MOGAT1: variants seen among roughly 807,000 people sequenced by gnomAD.
MOGAT1 encodes 2-acylglycerol O-acyltransferase 1.
In MOGAT1, 32 loss-of-function variants were observed where a neutral mutation model predicts 31.4. That is an observed-to-expected ratio of 1.02 (90% CI 0.77 to 1.37). The LOEUF is 1.37. Ranked by LOEUF, MOGAT1 falls within the 40% of genes most tolerant of loss-of-function variation. The probability of loss-of-function intolerance (pLI) is 0.00; values close to 1 mark genes in which losing one functional copy is unlikely to be tolerated. For missense variants in MOGAT1, 426 were observed against 402.0 expected, an observed-to-expected ratio of 1.06 and a Z score of -0.51; for synonymous variants, 145 against 144.5, an observed-to-expected ratio of 1.00 and a Z score of -0.03.
chr2:222,694,953 G>T, intron 4 of MOGAT1, 136 bp from the exon 5 acceptor site: 1 of 560,440 alleles, frequency 1.8e-6, no homozygotes, highest in Non-Finnish European at 3.0e-6. Flanking sequence ...TTCAATGAAC[G>T]TGAAGTTAGC....
At chr2:222,691,651 C>T (rs887854653) in intron 3 of MOGAT1, among the ~76,000 whole-genome samples, 3 of 152,186 alleles carry the variant, frequency 2.0e-5, no homozygotes, top group Admixed American at 1.3e-4. Context: ...CTATACTTCC[C>T]AGAACCAGCT....
In MOGAT1 at chr2:222,709,734, A is replaced by G. The variant is rs1161095283; in HGVS notation, c.854-2A>G. The G allele has an allele frequency of 6.2e-7, 1 of 1,611,786 alleles. No homozygotes were observed. The highest frequency in any genetic ancestry group is 1.7e-5 in the Admixed American group (1 of 59,430). On this transcript the variant is annotated splice_acceptor_variant, in intron 5 of 5. Coordinates refer to ENST00000446656, the MANE Select transcript of MOGAT1 (RefSeq NM_058165.3). LOFTEE classifies it high-confidence loss of function. ...ACGTATGATGTATTCCCTGATTTGC[A>G]GTTGGCCGCCCGATCCCTGTTCGTC...
intron 3 of MOGAT1, among the ~76,000 whole-genome samples, chr2:222,689,836 C>T (rs1048227273): frequency 1.3e-5 from 2 of 152,232 alleles, no homozygotes; most frequent in African/African-American, 4.8e-5. Context: ...GGAGAGGCAC[C>T]ATGCATGCTG....
chr2:222,677,737 G>T, intron 1 of MOGAT1: 1 of 388,644 alleles, frequency 2.6e-6, no homozygotes, highest in African/African-American at 2.2e-5. Context: ...TGGTGAAGAA[G>T]GAAGTTACTG....
chr2:222,671,772 C>T lies in MOGAT1; in HGVS notation c.-14C>T, dbSNP rs1692419757. On this transcript the variant is annotated 5_prime_UTR_variant, in exon 1 of 6. Coordinates refer to ENST00000446656, the MANE Select transcript of MOGAT1 (RefSeq NM_058165.3). Reference sequence around the variant, plus strand: ...AGGCTGCAGTGGCTGGCGCCGTCCTCGCCCGGCCAGGCCATGAAGGTAGAG... The same window carrying T: ...AGGCTGCAGTGGCTGGCGCCGTCCTTGCCCGGCCAGGCCATGAAGGTAGAG... The T allele has an allele frequency of 2.6e-6, 4 of 1,548,742 alleles. No homozygotes were observed. Among genetic ancestry groups the T allele is most frequent in the Admixed American group, 2.0e-5 (1 of 50,982 alleles).
intron 1 of MOGAT1, among the ~76,000 whole-genome samples, chr2:222,681,195 T>G (rs551945635): frequency 1.3e-5 from 2 of 152,338 alleles, no homozygotes; most frequent in African/African-American, 4.8e-5. Flanking sequence ...TCAGTTCTGA[T>G]GCTGTCTACC....
Position 222,695,145 on chromosome 2 carries a change from A to G in MOGAT1, c.710A>G (p.Asp237Gly). The G allele has an allele frequency of 6.2e-7, 1 of 1,613,162 alleles. No individual in the cohort carries two copies. The highest frequency in any genetic ancestry group is 1.7e-5 in the Admixed American group (1 of 59,814). ...GAAAATGAACTGTTTAAACAAACTG[A>G]CAACCCTGAAGGATCATGGATTAGA... ...FGENELFKQT[D>G]NPEGSWIRTV... The change falls in exon 5 of 6, where the codon GAC becomes GGC. Residue 237 changes from aspartate to glycine, a missense_variant. Physicochemically the swap from Asp to Gly is moderately conservative, Grantham distance 94. Coordinates refer to ENST00000446656, the MANE Select transcript of MOGAT1 (RefSeq NM_058165.3).
chr2:222,680,264 G>C (rs952498), intron 1 of MOGAT1, among the ~76,000 whole-genome samples: 4 of 151,958 alleles, frequency 2.6e-5, no homozygotes, highest in African/African-American at 9.7e-5. Flanking sequence ...TGGATTTCAG[G>C]TTGAACTATA....
intron 5 of MOGAT1, among the ~76,000 whole-genome samples, chr2:222,697,855 G>A (rs919322869): frequency 7.2e-5 from 11 of 151,922 alleles, no homozygotes; most frequent in Admixed American, 3.3e-4. Flanking sequence ...GATTACAGGC[G>A]TGAGCCACCG....
rs949878896 is a variant in MOGAT1, at chr2:222,680,492, T to G, written c.95-7852T>G. Among the ~76,000 whole-genome samples the G allele has an allele frequency of 3.3e-5, 5 of 152,160 alleles. No homozygotes were observed. The South Asian group carries it at 6.2e-4, about 19-fold the overall frequency. ...ATATGAAGAAAACTAGGCTGCAAAA[T>G]TCTGCAAAGGGGTCTGATGAGATTT... is the stretch of plus-strand genomic sequence containing the variant. On this transcript the variant is annotated intron_variant, in intron 1 of 5. Transcript: ENST00000446656.
intron 5 of MOGAT1, among the ~76,000 whole-genome samples, chr2:222,707,702 A>G (rs1443412596): frequency 1.3e-5 from 2 of 152,226 alleles, no homozygotes; most frequent in Non-Finnish European, 2.9e-5. Flanking sequence ...CAAGCTATCA[A>G]AGAAAACCAC....
At chr2:222,681,134 C>T (rs17507540) in intron 1 of MOGAT1, among the ~76,000 whole-genome samples, 5,720 of 152,248 alleles carry the variant, frequency 0.038, 120 homozygotes, top group African/African-American at 0.052. Context: ...CCTGGTTTTG[C>T]TGGACCAACC....
rs183689515 is a variant in MOGAT1 at position 222,694,329 on chromosome 2, G to T, written c.479-33G>T. On this transcript the variant is annotated intron_variant, in intron 3 of 5. Coordinates refer to ENST00000446656, the MANE Select transcript of MOGAT1 (RefSeq NM_058165.3). ...AAACATTGTAATATTGTTAGAAAAG[G>T]ATAACTAGTTACTTTTTGTTTTATT... 3.2e-4 allele frequency: 487 copies of T among 1,538,886 alleles called. No individual in the cohort carries two copies. The African/African-American group carries it at 4.3e-3, about 14-fold the overall frequency.
intron 3 of MOGAT1, among the ~76,000 whole-genome samples, chr2:222,693,958 G>A (rs1692803690): frequency 6.6e-6 from 1 of 152,108 alleles, no homozygotes. Flanking sequence ...TTGGTTCTGT[G>A]TAAAAATTCG....
chr2:222,692,687 T>A (rs1230453272), intron 3 of MOGAT1, among the ~76,000 whole-genome samples: 1 of 152,110 alleles, frequency 6.6e-6, no homozygotes, highest in African/African-American at 2.4e-5. Flanking sequence ...TCAGCATACA[T>A]AAATGGTAGT....
chr2:222,690,787 T>C (rs139823568), intron 3 of MOGAT1, among the ~76,000 whole-genome samples: 7 of 152,330 alleles, frequency 4.6e-5, no homozygotes, highest in African/African-American at 1.7e-4. Context: ...ATCCGGCATC[T>C]GGCCTGCAGA....
chr2:222,700,686 G>GA (rs1423695515), intron 5 of MOGAT1, among the ~76,000 whole-genome samples: 1 of 152,054 alleles, frequency 6.6e-6, no homozygotes, highest in Non-Finnish European at 1.5e-5. Context: ...TTATTTACTT[G>GA]AAAAAACACA....
At chr2:222,677,591 T>C in intron 1 of MOGAT1, 1 of 226,484 alleles carries the variant, frequency 4.4e-6, no homozygotes, top group Non-Finnish European at 8.8e-6. Flanking sequence ...GCTAGAAAGG[T>C]ACTAATGAGA....
intron 5 of MOGAT1, among the ~76,000 whole-genome samples, chr2:222,699,997 G>T (rs1475675528): frequency 2.0e-5 from 3 of 152,202 alleles, no homozygotes; most frequent in Non-Finnish European, 4.4e-5. Flanking sequence ...ATAAATTTAA[G>T]TTTGCAATGG....
Sources: gnomAD v4.1 joint callset for allele counts (sites outside exome capture counted in the v4.1 genomes callset) on GRCh38, gnomAD v4.1.1 for gene constraint, MANE v1.5 for transcripts, NCBI Gene and HGNC (gene_info 2026-07-23, HGNC 2026-07-21) for gene names.